Variants in NUP98 observed in about 807,000 individuals in gnomAD.
NUP98 encodes the protein nucleoporin 98 and 96 precursor, also known as nuclear pore complex protein Nup98-Nup96.
NUP98 carries 26 observed loss-of-function variants against 191.9 expected under a neutral mutation model. The ratio of observed to expected loss-of-function variants is 0.14; its 90% CI spans 0.10 to 0.19. NUP98 has a LOEUF of 0.19. NUP98 is among the 10% of genes least tolerant of loss of function. NUP98 has a pLI of 1.00. For missense variants in NUP98, 1,941 were observed against 2,178.8 expected (o/e 0.89, Z 2.17); for synonymous variants, 808 against 778.4 (o/e 1.04, Z -0.63).
chr11:3,738,087 C>CAAAAAAAAAAAAAA, intron 12 of NUP98, among the ~76,000 whole-genome samples: 1 of 69,726 alleles, frequency 1.4e-5, no homozygotes, highest in Non-Finnish European at 2.9e-5. Context: ...TGGGCGTTCT[C>CAAAAAAAAAAAAAA]AAAAAAAAAA....
intron 4 of NUP98, 90 bp downstream of exon 4, chr11:3,778,783 T>A: frequency 7.5e-7 from 1 of 1,338,030 alleles, no homozygotes. Context: ...GAAAAGAAGG[T>A]AGATGAACAC....
chr11:3,713,373 T>A (rs755450739), intron 19 of NUP98, among the ~76,000 whole-genome samples: 3 of 152,168 alleles, frequency 2.0e-5, no homozygotes, highest in Non-Finnish European at 4.4e-5. Context: ...AGGTTTGTAG[T>A]TTGGAGTGAA....
intron 14 of NUP98, among the ~76,000 whole-genome samples, chr11:3,730,739 T>C (rs974165898): frequency 3.3e-5 from 5 of 152,160 alleles, no homozygotes; most frequent in African/African-American, 1.2e-4. Context: ...GAGGTTGAGG[T>C]TGCAGTGAGC....
chr11:3,690,284 G>C (rs1423801778), intron 28 of NUP98, among the ~76,000 whole-genome samples: 4 of 150,166 alleles, frequency 2.7e-5, no homozygotes, highest in Admixed American at 6.7e-5. Context: ...TTTTGAGACA[G>C]AGTCTTGCTG....
chr11:3,694,135 G>A (rs1403064183), intron 26 of NUP98, among the ~76,000 whole-genome samples: 1 of 151,814 alleles, frequency 6.6e-6, no homozygotes, highest in African/African-American at 2.4e-5. Context: ...ACTTTGGGAG[G>A]CCGAGGTGGG....
At chr11:3,691,699 G>A (rs1191100859) in intron 27 of NUP98, among the ~76,000 whole-genome samples, 1 of 152,048 alleles carries the variant, frequency 6.6e-6, no homozygotes, top group Non-Finnish European at 1.5e-5. Flanking sequence ...GATTACAGCT[G>A]CACACCACCA....
chr11:3,758,522 C>T (rs1033341172), intron 10 of NUP98, among the ~76,000 whole-genome samples: 6 of 152,098 alleles, frequency 3.9e-5, no homozygotes, highest in South Asian at 4.1e-4. Flanking sequence ...CAGTGGCTCA[C>T]GCCTGTAATC....
intron 2 of NUP98, among the ~76,000 whole-genome samples, chr11:3,781,699 T>C (rs1163264134): frequency 6.6e-6 from 1 of 152,018 alleles, no homozygotes; most frequent in Admixed American, 6.6e-5. Flanking sequence ...CAGGGTAAAT[T>C]CCAGGGCAGT....
At chr11:3,693,790 T>A (rs1442915703) in intron 26 of NUP98, among the ~76,000 whole-genome samples, 3 of 152,212 alleles carry the variant, frequency 2.0e-5, no homozygotes, top group Non-Finnish European at 4.4e-5. Flanking sequence ...TATAAAGCTT[T>A]AAAATGAGCA....
At chr11:3,758,315 C>T (rs61877627) in intron 10 of NUP98, among the ~76,000 whole-genome samples, 7,485 of 147,166 alleles carry the variant, frequency 0.051, 254 homozygotes, top group Middle Eastern at 0.1. Context: ...AGCGAGACTC[C>T]GTCTCAAAAA....
intron 11 of NUP98, among the ~76,000 whole-genome samples, chr11:3,745,998 G>A (rs1244685159): frequency 1.3e-5 from 2 of 152,024 alleles, no homozygotes; most frequent in African/African-American, 4.8e-5. Context: ...GGCCGGGCAC[G>A]GTGCCTCACG....
rs1332239002 is a variant in NUP98 at position 3,702,635 on chromosome 11, G to C, written c.3340C>G (p.Leu1114Val). ...ATGAATAGGGCCATGTCCATCAAGA[G>C]TTTTCCCTTGCCATAGGTGACAGAC... is the stretch of plus-strand genomic sequence containing the variant. The part of the protein sequence containing the change: ...EKSVTYGKGK[L>V]LMDMALFMGR... Residue 1114 changes from leucine to valine, a missense_variant, in exon 23 of 33, where the codon CTC becomes GTC. This residue lies in a region of NUP98 where 1,030 missense variants were observed against 1,115.8 expected (regional missense o/e 0.92). Transcript: ENST00000324932. The C allele has an allele frequency of 6.2e-7, 1 of 1,614,122 alleles. No individual in the cohort carries two copies. The highest frequency in any genetic ancestry group is 1.3e-5 in the African/African-American group (1 of 75,014).
At chr11:3,734,500 C>T (rs570346223) in intron 13 of NUP98, among the ~76,000 whole-genome samples, 1 of 152,280 alleles carries the variant, frequency 6.6e-6, no homozygotes, top group Non-Finnish European at 1.5e-5. Context: ...TTACTCTTCC[C>T]ATTTTACAGA....
intron 8 of NUP98, among the ~76,000 whole-genome samples, chr11:3,763,292 A>G (rs1415538169): frequency 1.3e-5 from 2 of 152,158 alleles, no homozygotes; most frequent in Non-Finnish European, 1.5e-5. Context: ...TCAAACCTAT[A>G]TTTAAGCCCC....
chr11:3,726,940 T>A (rs1248577385), intron 14 of NUP98, among the ~76,000 whole-genome samples: 2 of 151,594 alleles, frequency 1.3e-5, no homozygotes, highest in Non-Finnish European at 2.9e-5. Flanking sequence ...TAAAAAAAAA[T>A]TTTTTTTTAG....
Position 3,768,764 on chromosome 11 carries a change from A to G in NUP98, c.785-20T>C, listed in dbSNP as rs759445547. Reference sequence around the variant, plus strand: ...TTGTACCTTTTAGGAAAAAGAAAAAAAAAAGAAAAAAGAAATAATAAAAAA... The same window carrying G: ...TTGTACCTTTTAGGAAAAAGAAAAAGAAAAGAAAAAAGAAATAATAAAAAA... On this transcript the variant is annotated intron_variant, in intron 7 of 32. Coordinates refer to ENST00000324932, the MANE Select transcript of NUP98 (RefSeq NM_016320.5). 3 of 1,433,736 alleles carry G rather than the reference A, an allele frequency of 2.1e-6. No homozygotes were observed. The highest frequency in any genetic ancestry group is 2.7e-6 in the Non-Finnish European group (3 of 1,098,380). 88.8% of individuals were successfully genotyped at this position (1,433,736 alleles called of 1,614,324 possible). A position where few individuals can be genotyped will look rare whatever the true frequency, so the allele number is the denominator to read the frequency against.
intron 14 of NUP98, among the ~76,000 whole-genome samples, chr11:3,726,988 T>C (rs145284954): frequency 1.4e-3 from 215 of 152,294 alleles, no homozygotes; most frequent in African/African-American, 4.7e-3. Flanking sequence ...TTGGTCTCAC[T>C]GGCCTCTCTA....
At chr11:3,735,149 T>C in intron 13 of NUP98, 42 bp downstream of exon 13, 9 of 1,506,670 alleles carry the variant, frequency 6.0e-6, no homozygotes, top group Non-Finnish European at 8.0e-6. Flanking sequence ...TCAGTTTCTC[T>C]TTCTTTGATA....
intron 11 of NUP98, among the ~76,000 whole-genome samples, chr11:3,749,387 G>A (rs1260119142): frequency 1.3e-5 from 2 of 152,216 alleles, no homozygotes; most frequent in Non-Finnish European, 2.9e-5. Flanking sequence ...CACTTTGGGA[G>A]GCCGAGGCTG....
Sources: gnomAD v4.1 joint callset for allele counts (sites outside exome capture counted in the v4.1 genomes callset) on GRCh38, gnomAD v4.1.1 for gene constraint, gnomAD v4.1.1 regional missense constraint, MANE v1.5 for transcripts, NCBI Gene and HGNC (gene_info 2026-07-23, HGNC 2026-07-21) for gene names.